ITGA8: variants seen among roughly 807,000 people sequenced by gnomAD.
ITGA8 encodes integrin alpha-8.
Under a neutral mutation model 142.3 loss-of-function variants are expected in ITGA8, and 91 were observed. The ratio of observed to expected loss-of-function variants is 0.64; its 90% CI spans 0.54 to 0.76. The LOEUF is 0.76. Ranked by LOEUF, ITGA8 falls within the 30% of genes least tolerant of loss-of-function variation. The probability of loss-of-function intolerance (pLI) is 0.00; values close to 1 mark genes in which losing one functional copy is unlikely to be tolerated. For synonymous variants in ITGA8, 505 were observed against 485.2 expected, an observed-to-expected ratio of 1.04 and a Z score of -0.54; for missense variants, 1,406 against 1,327.7, an observed-to-expected ratio of 1.06 and a Z score of -0.92.
intron 27 of ITGA8, among the ~76,000 whole-genome samples, chr10:15,539,562 C>T (rs1218961403): frequency 6.6e-6 from 1 of 152,148 alleles, no homozygotes; most frequent in Non-Finnish European, 1.5e-5. Flanking sequence ...GGACTTGTCT[C>T]TGTTCCCTGA....
chr10:15,536,889 C>G (rs1193167682), intron 27 of ITGA8, among the ~76,000 whole-genome samples: 1 of 152,160 alleles, frequency 6.6e-6, no homozygotes, highest in Admixed American at 6.5e-5. Context: ...CTCTCCCACT[C>G]CCAACTTCCA....
intron 22 of ITGA8, among the ~76,000 whole-genome samples, chr10:15,587,508 T>C (rs1204482856): frequency 1.3e-5 from 2 of 152,340 alleles, no homozygotes; most frequent in South Asian, 2.1e-4. Flanking sequence ...TAACGGTTTA[T>C]TTCTTCAGTT....
intron 25 of ITGA8, among the ~76,000 whole-genome samples, chr10:15,568,670 A>G (rs569837478): frequency 6.6e-6 from 1 of 152,288 alleles, no homozygotes; most frequent in Non-Finnish European, 1.5e-5. Context: ...TTTAGAAATG[A>G]TGTTTTAAAT....
chr10:15,625,322 G>A (rs902263198), intron 13 of ITGA8, among the ~76,000 whole-genome samples: 2 of 152,208 alleles, frequency 1.3e-5, no homozygotes, highest in African/African-American at 4.8e-5. Context: ...TTAGCATCCT[G>A]TGGCTACAAG....
chr10:15,612,118 T>C (rs1356673073), intron 15 of ITGA8, among the ~76,000 whole-genome samples: 2 of 152,216 alleles, frequency 1.3e-5, no homozygotes, highest in Non-Finnish European at 2.9e-5. Context: ...TTCATTATAC[T>C]ATTTTATGGT....
At chr10:15,567,188 A>G (rs10906929) in intron 25 of ITGA8, among the ~76,000 whole-genome samples, 78,299 of 151,184 alleles carry the variant, frequency 0.52, 21,865 homozygotes, top group Non-Finnish European at 0.63. Flanking sequence ...AGAAAAAGAA[A>G]AATCCTTTAC....
chr10:15,616,525 G>T lies in ITGA8; in HGVS notation c.1434C>A (p.Val478=), dbSNP rs1246734630. 6.2e-7 allele frequency: 1 copy of T among 1,610,986 alleles called. No individual in the cohort carries two copies. The highest frequency in any genetic ancestry group is 8.5e-7 in the Non-Finnish European group (1 of 1,178,262). Residue 478 remains valine (V), a synonymous_variant, in exon 14 of 30, where the codon GTC becomes GTA. Transcript: ENST00000378076. ...TACCAACCACATACCTGTAAACAGC[G>T]ACTTTTCCTGTTCCAAATGCACCCA... is the stretch of plus-strand genomic sequence containing the variant. ...LIVGAFGTGK[V]AVYRARPVVT...
chr10:15,597,008 A>C (rs2131600998), intron 21 of ITGA8, 199 bp downstream of exon 21: 2 of 565,022 alleles, frequency 3.5e-6, no homozygotes, highest in East Asian at 5.6e-5. Flanking sequence ...AAGAGCATGC[A>C]TCTTTCTGTG....
At chr10:15,599,085 A>T (rs952192191) in intron 20 of ITGA8, among the ~76,000 whole-genome samples, 8 of 150,918 alleles carry the variant, frequency 5.3e-5, no homozygotes, top group South Asian at 4.2e-4. Context: ...TCTATAGTAA[A>T]TTTTTTTTTT....
At chr10:15,572,058 G>A (rs531940089) in intron 25 of ITGA8, among the ~76,000 whole-genome samples, 153 bp downstream of exon 25, 4 of 152,182 alleles carry the variant, frequency 2.6e-5, no homozygotes, top group Non-Finnish European at 5.9e-5. Context: ...AATTAGGCTT[G>A]GTGTTTTAAC....
chr10:15,679,258 T>G (rs570764640), intron 4 of ITGA8, among the ~76,000 whole-genome samples: 199 of 152,330 alleles, frequency 1.3e-3, no homozygotes, highest in Non-Finnish European at 2.2e-3. Context: ...GCATTTCCAC[T>G]GTTACGCTCT....
intron 10 of ITGA8, among the ~76,000 whole-genome samples, chr10:15,658,232 G>T (rs139907359): frequency 6.6e-6 from 1 of 152,166 alleles, no homozygotes. Context: ...GTTCATGAGC[G>T]GTGCGGTGGG....
chr10:15,605,258 G>A (rs1588670464), intron 19 of ITGA8, among the ~76,000 whole-genome samples: 1 of 152,102 alleles, frequency 6.6e-6, no homozygotes, highest in East Asian at 1.9e-4. Context: ...GACACCTTCT[G>A]CTTTACTCCA....
intron 6 of ITGA8, 85 bp from the exon 7 acceptor site, chr10:15,672,834 A>G (rs745775172): frequency 1.2e-5 from 16 of 1,368,230 alleles, no homozygotes; most frequent in East Asian, 8.2e-5. Flanking sequence ...CTTGAAAGCT[A>G]TGGTGGAATT....
At chr10:15,625,001 A>G (rs1833555507) in intron 13 of ITGA8, among the ~76,000 whole-genome samples, 3 of 152,154 alleles carry the variant, frequency 2.0e-5, no homozygotes. Context: ...TAAAAATAGA[A>G]GTTGCCTGTC....
At chr10:15,519,481 C>T in intron 28 of ITGA8, 69 bp from the exon 29 acceptor site, 1 of 1,521,472 alleles carries the variant, frequency 6.6e-7, no homozygotes, top group Non-Finnish European at 9.1e-7. Context: ...TAGTAATTAC[C>T]AGTACAACAT....
chr10:15,679,140 T>C (rs1334081633), intron 4 of ITGA8, among the ~76,000 whole-genome samples: 1 of 152,146 alleles, frequency 6.6e-6, no homozygotes, highest in Non-Finnish European at 1.5e-5. Context: ...TGCCCCCTCG[T>C]GCTGTGTGAA....
At chr10:15,570,329 G>A (rs538926591) in intron 25 of ITGA8, among the ~76,000 whole-genome samples, 15 of 152,000 alleles carry the variant, frequency 9.9e-5, no homozygotes, top group East Asian at 1.9e-4. Context: ...AAGTGGGGGC[G>A]GGGCGCAGTG....
chr10:15,716,424 A>G (rs141444836), intron 2 of ITGA8, among the ~76,000 whole-genome samples: 8 of 152,286 alleles, frequency 5.3e-5, no homozygotes, highest in African/African-American at 1.4e-4. Context: ...AAAAGAGGAC[A>G]TTGTCTTCTC....
Sources: gnomAD v4.1 joint callset for allele counts (sites outside exome capture counted in the v4.1 genomes callset) on GRCh38, gnomAD v4.1.1 for gene constraint, MANE v1.5 for transcripts, NCBI Gene and HGNC (gene_info 2026-07-23, HGNC 2026-07-21) for gene names.